MALL: variants seen among roughly 807,000 people sequenced by gnomAD.
MALL encodes MAL-like protein.
Under a neutral mutation model 10.3 loss-of-function variants are expected in MALL, and 2 were observed. That is an observed-to-expected ratio of 0.19 (90% confidence interval 0.08 to 0.61). MALL has a LOEUF of 0.61. Among genes scored for constraint, MALL ranks in the 20% least tolerant of loss-of-function variants. MALL has a pLI of 0.88. For synonymous variants in MALL, 27 were observed against 51.8 expected, an observed-to-expected ratio of 0.52 and a Z score of 2.05; for missense variants, 39 against 115.2, an observed-to-expected ratio of 0.34 and a Z score of 3.03.
chr2:110,100,669 T>C (rs1678545420), intron 1 of MALL, among the ~76,000 whole-genome samples: 1 of 152,152 alleles, frequency 6.6e-6, no homozygotes, highest in Non-Finnish European at 1.5e-5. Context: ...TGCTCCAGCG[T>C]GCCTTCCTTC....
At chr2:110,113,435 C>CAA (rs58360665) in intron 1 of MALL, among the ~76,000 whole-genome samples, 880 of 31,246 alleles carry the variant, frequency 0.028, 25 homozygotes, top group Middle Eastern at 0.048. Context: ...GACTCTGTCT[C>CAA]AAAAAAAAAA....
upstream of MALL, chr2:110,115,839 G>T: frequency 1.1e-6 from 1 of 915,310 alleles, no homozygotes; most frequent in Non-Finnish European, 1.5e-6. Flanking sequence ...CCCGCGCGCA[G>T]CCTGTCAAAT....
At chr2:110,114,329 C>T (rs902028007) in intron 1 of MALL, among the ~76,000 whole-genome samples, 4 of 151,976 alleles carry the variant, frequency 2.6e-5, no homozygotes, top group African/African-American at 4.8e-5. Context: ...AGTCTCTTCC[C>T]GGCAGACAGG....
At chr2:110,115,994 CG>C, upstream of MALL, 1 of 391,740 alleles carries the variant, frequency 2.6e-6, no homozygotes, top group Non-Finnish European at 4.5e-6. Context: ...TCTGCCTGGC[CG>C]GCGGGGGGCA....
At chr2:110,113,807 AT>A (rs1013412715) in intron 1 of MALL, among the ~76,000 whole-genome samples, 2 of 152,080 alleles carry the variant, frequency 1.3e-5, no homozygotes, top group Admixed American at 6.5e-5. Context: ...TAGTTTCCTG[AT>A]TTCAAGAGTT....
chr2:110,100,634 T>C (rs1678544840), intron 1 of MALL, among the ~76,000 whole-genome samples: 1 of 152,128 alleles, frequency 6.6e-6, no homozygotes, highest in Admixed American at 6.5e-5. Context: ...CTCTCCCTTT[T>C]TGTGGATGAG....
At chr2:110,096,357 A>G (rs556236803) in intron 1 of MALL, among the ~76,000 whole-genome samples, 1 of 152,228 alleles carries the variant, frequency 6.6e-6, no homozygotes, top group African/African-American at 2.4e-5. Context: ...TGGGTAGGTC[A>G]TTTAGCTTGT....
At chr2:110,113,435 C>CAAAAAA (rs58360665) in intron 1 of MALL, among the ~76,000 whole-genome samples, 5 of 31,816 alleles carry the variant, frequency 1.6e-4, no homozygotes, top group Non-Finnish European at 2.8e-4. Flanking sequence ...GACTCTGTCT[C>CAAAAAA]AAAAAAAAAA....
At chr2:110,114,330 G>A (rs1335609718) in intron 1 of MALL, among the ~76,000 whole-genome samples, 3 of 152,116 alleles carry the variant, frequency 2.0e-5, no homozygotes, top group South Asian at 2.1e-4. Context: ...GTCTCTTCCC[G>A]GCAGACAGGA....
chr2:110,096,142 C>T (rs996833801), intron 1 of MALL, among the ~76,000 whole-genome samples: 4 of 152,138 alleles, frequency 2.6e-5, no homozygotes, highest in African/African-American at 4.8e-5. Context: ...CTCCTAGAAG[C>T]CTTTGGGGAC....
At chr2:110,108,581 G>C (rs1294394992) in intron 1 of MALL, among the ~76,000 whole-genome samples, 1 of 152,080 alleles carries the variant, frequency 6.6e-6, no homozygotes, top group East Asian at 1.9e-4. Flanking sequence ...GCGTACCTGA[G>C]GAAGAAGAGA....
chr2:110,111,074 T>C (rs918776664), intron 1 of MALL, among the ~76,000 whole-genome samples: 4 of 152,134 alleles, frequency 2.6e-5, no homozygotes, highest in Non-Finnish European at 4.4e-5. Context: ...TATCTTAATG[T>C]AATAAAAGCC....
At chr2:110,112,737 C>T (rs761612115) in intron 1 of MALL, among the ~76,000 whole-genome samples, 2 of 151,910 alleles carry the variant, frequency 1.3e-5, no homozygotes, top group East Asian at 1.9e-4. Context: ...TACTCAGTAT[C>T]AATCCAGAGG....
intron 1 of MALL, among the ~76,000 whole-genome samples, chr2:110,104,394 C>T (rs1196926035): frequency 6.6e-6 from 1 of 152,164 alleles, no homozygotes; most frequent in Non-Finnish European, 1.5e-5. Context: ...TTACAGATTT[C>T]CTTGGCTGTT....
intron 1 of MALL, among the ~76,000 whole-genome samples, chr2:110,109,613 C>T (rs1678759805): frequency 6.6e-6 from 1 of 152,056 alleles, no homozygotes; most frequent in Non-Finnish European, 1.5e-5. Flanking sequence ...TGGGGGACTT[C>T]AATACTCCAC....
intron 1 of MALL, among the ~76,000 whole-genome samples, chr2:110,102,453 G>A (rs988412130): frequency 2.0e-5 from 3 of 152,188 alleles, no homozygotes; most frequent in Non-Finnish European, 4.4e-5. Flanking sequence ...TGTCCCTGGA[G>A]TACAGCATGG....
In MALL at chr2:110,107,197, C is replaced by T. The variant is rs560565229; in HGVS notation, c.105+8491G>A. ...TCTACACATGTGAGAAAAGTGGAGC[C>T]CCCAAGTACCAAGGGCAGCTTCTGG... On this transcript the variant is annotated intron_variant, in intron 1 of 3. Transcript: ENST00000272462. Among the ~76,000 whole-genome samples, 34 of 152,150 alleles carry T rather than the reference C, an allele frequency of 2.2e-4. 1 individual carries two copies. The highest frequency in any genetic ancestry group is 4.3e-4 in the Non-Finnish European group (29 of 68,002).
intron 1 of MALL, among the ~76,000 whole-genome samples, chr2:110,113,324 G>A (rs944735054): frequency 6.6e-6 from 1 of 150,774 alleles, no homozygotes; most frequent in African/African-American, 2.4e-5. Context: ...TGTAGTCCCA[G>A]CTACTCGGGA....
chr2:110,092,054 CTT>C (rs1359285333), intron 1 of MALL, among the ~76,000 whole-genome samples: 1 of 145,258 alleles, frequency 6.9e-6, no homozygotes, highest in East Asian at 2.0e-4. Context: ...GGCATATACA[CTT>C]TTTAAACAAT....
Sources: gnomAD v4.1 joint callset for allele counts (sites outside exome capture counted in the v4.1 genomes callset) on GRCh38, gnomAD v4.1.1 for gene constraint, MANE v1.5 for transcripts, NCBI Gene and HGNC (gene_info 2026-07-23, HGNC 2026-07-21) for gene names.